The following SLC2A9 variants were observed in gnomAD, a reference collection of about 807,000 sequenced individuals.
SLC2A9 encodes the protein solute carrier family 2 member 9.
A neutral mutation model predicts 50.6 loss-of-function variants in SLC2A9; 39 were observed. The ratio of observed to expected loss-of-function variants is 0.77; its 90% CI spans 0.60 to 1.01. The LOEUF is 1.01. Among genes scored for constraint, SLC2A9 ranks in the 50% least tolerant of loss-of-function variants. The probability of loss-of-function intolerance (pLI) is 0.00; values close to 1 mark genes in which losing one functional copy is unlikely to be tolerated. For synonymous variants in SLC2A9, 324 were observed against 276.9 expected (o/e 1.17, Z -1.69); for missense variants, 686 against 677.6 (o/e 1.01, Z -0.14).
intron 3 of SLC2A9, among the ~76,000 whole-genome samples, chr4:9,992,446 T>C (rs1035824496): frequency 2.0e-5 from 3 of 152,248 alleles, no homozygotes; most frequent in African/African-American, 7.2e-5. Flanking sequence ...AGTAGCACCC[T>C]TGAGTTATGA....
chr4:9,783,119 G>T, intron 3 of SLC2A9: 1 of 1,614,218 alleles, frequency 6.2e-7, no homozygotes, highest in Middle Eastern at 1.6e-4. Flanking sequence ...CTTCAACGCC[G>T]ACTTTCAGAA....
At chr4:9,974,806 A>T (rs1754518717) in intron 5 of SLC2A9, among the ~76,000 whole-genome samples, 2 of 152,208 alleles carry the variant, frequency 1.3e-5, no homozygotes. Context: ...AGCCATCCTA[A>T]GCAAAAAGAA....
At chr4:9,981,312 ATGG>A (rs1755809277) in intron 4 of SLC2A9, among the ~76,000 whole-genome samples, 1 of 40,498 alleles carries the variant, frequency 2.5e-5, no homozygotes, top group Non-Finnish European at 5.6e-5. Context: ...GATGGTGGCG[ATGG>A]TGGTGATAGT....
intron 10 of SLC2A9, among the ~76,000 whole-genome samples, chr4:9,837,571 C>A (rs1727300498): frequency 1.3e-5 from 2 of 152,304 alleles, no homozygotes; most frequent in Middle Eastern, 6.8e-3. Flanking sequence ...CAGTAGAACA[C>A]TGACAAATTG....
At chr4:9,785,724 T>C (rs913503448) in intron 3 of SLC2A9, among the ~76,000 whole-genome samples, 2 of 152,226 alleles carry the variant, frequency 1.3e-5, no homozygotes, top group East Asian at 1.9e-4. Context: ...GGGAATGTAG[T>C]TGTCAATCAA....
downstream of SLC2A9, among the ~76,000 whole-genome samples, chr4:9,775,187 T>C (rs555428872): frequency 7.6e-4 from 116 of 152,286 alleles, no homozygotes; most frequent in African/African-American, 2.5e-3. Context: ...GGAGCTCAGT[T>C]GTGCTCTAGA....
chr4:9,775,489 G>A (rs1195272920), downstream of SLC2A9, among the ~76,000 whole-genome samples: 7 of 152,268 alleles, frequency 4.6e-5, no homozygotes, highest in Admixed American at 6.5e-5. Context: ...CAGATTTCAT[G>A]TTAAATTGCA....
intron 2 of SLC2A9, among the ~76,000 whole-genome samples, chr4:10,017,164 C>G (rs147384366): frequency 6.6e-6 from 1 of 152,234 alleles, no homozygotes; most frequent in Non-Finnish European, 1.5e-5. Flanking sequence ...CTCAACAATG[C>G]TTGCTGAATG....
intron 2 of SLC2A9, among the ~76,000 whole-genome samples, chr4:10,016,117 G>A (rs767318848): frequency 4.6e-5 from 7 of 152,322 alleles, no homozygotes; most frequent in East Asian, 1.9e-4. Flanking sequence ...GCTAAAAAGC[G>A]CCTTGTGATG....
At chr4:9,946,433 A>T (rs1169465187) in intron 5 of SLC2A9, among the ~76,000 whole-genome samples, 1 of 152,154 alleles carries the variant, frequency 6.6e-6, no homozygotes, top group Non-Finnish European at 1.5e-5. Flanking sequence ...CTTATAAAGG[A>T]TGTTCCAATA....
chr4:9,792,287 C>T (rs1339428715), intron 3 of SLC2A9, among the ~76,000 whole-genome samples: 1 of 150,286 alleles, frequency 6.7e-6, no homozygotes, highest in Non-Finnish European at 1.5e-5. Context: ...GGTGATCCTC[C>T]TGCTACAGCC....
intron 2 of SLC2A9, among the ~76,000 whole-genome samples, chr4:10,010,996 C>T (rs115980378): frequency 4.9e-4 from 74 of 152,250 alleles, no homozygotes; most frequent in African/African-American, 1.7e-3. Context: ...ATAGGAAGTG[C>T]GTGAGTCCCA....
intron 5 of SLC2A9, among the ~76,000 whole-genome samples, chr4:9,952,609 C>T (rs766137807): frequency 2.7e-4 from 41 of 151,914 alleles, no homozygotes; most frequent in Middle Eastern, 6.8e-3. Context: ...TCTCAGCTCA[C>T]TGCATCCCCA....
chr4:10,016,595 G>A (rs972276821), intron 2 of SLC2A9, among the ~76,000 whole-genome samples: 2 of 151,992 alleles, frequency 1.3e-5, no homozygotes, highest in East Asian at 1.9e-4. Flanking sequence ...GGGAGGGCAC[G>A]TTAAACTCTC....
chr4:9,961,955 A>G (rs927439304), intron 5 of SLC2A9, among the ~76,000 whole-genome samples: 7 of 152,268 alleles, frequency 4.6e-5, no homozygotes, highest in African/African-American at 1.7e-4. Flanking sequence ...GTCAAGAAAC[A>G]TATGAAAAAA....
chr4:10,037,160 G>T (rs1435697948), intron 1 of SLC2A9, among the ~76,000 whole-genome samples: 1 of 152,160 alleles, frequency 6.6e-6, no homozygotes, highest in East Asian at 1.9e-4. Flanking sequence ...CAATTTAACG[G>T]TTTTTAGTAC....
intron 5 of SLC2A9, among the ~76,000 whole-genome samples, chr4:9,943,562 C>T (rs1578009299): frequency 6.6e-6 from 1 of 152,028 alleles, no homozygotes; most frequent in South Asian, 2.1e-4. Context: ...ATGCAAATAC[C>T]CTGGAATTAG....
At chr4:9,957,387 G>A (rs13106991) in intron 5 of SLC2A9, among the ~76,000 whole-genome samples, 29,523 of 152,084 alleles carry the variant, frequency 0.19, 3,277 homozygotes, top group Admixed American at 0.33. Flanking sequence ...TCACTCTTGA[G>A]TGAAGCCTTG....
At chr4:9,822,019 AT>A (rs1258450323), downstream of SLC2A9, among the ~76,000 whole-genome samples, 2 of 152,210 alleles carry the variant, frequency 1.3e-5, no homozygotes, top group African/African-American at 4.8e-5. Context: ...AGGCAGGGTT[AT>A]TAACAGCATT....
Sources: gnomAD v4.1 joint callset for allele counts (sites outside exome capture counted in the v4.1 genomes callset) on GRCh38, gnomAD v4.1.1 for gene constraint, MANE v1.5 for transcripts, NCBI Gene and HGNC (gene_info 2026-07-23, HGNC 2026-07-21) for gene names.